The following RANBP2 variants were observed in gnomAD, a reference collection of about 807,000 sequenced individuals.
RANBP2 encodes RAN binding protein 2.
In RANBP2, 57 loss-of-function variants were observed where a neutral mutation model predicts 303.6. That is an observed-to-expected ratio of 0.19 (90% CI 0.15 to 0.23). The LOEUF (loss-of-function observed/expected upper bound fraction) is 0.23. RANBP2 is among the 10% of genes least tolerant of loss of function. RANBP2 has a pLI of 1.00. For missense variants in RANBP2, 3,138 were observed against 3,780.8 expected, an observed-to-expected ratio of 0.83 and a Z score of 4.46; for synonymous variants, 1,167 against 1,301.5, an observed-to-expected ratio of 0.90 and a Z score of 2.23.
chr2:109,360,627 C>T, the RANBP2 span, among the ~76,000 whole-genome samples: 2 of 152,146 alleles, frequency 1.3e-5, no homozygotes, highest in Middle Eastern at 3.2e-3. Context: ...AGATACTCAG[C>T]CTGTATATAG....
At chr2:109,739,512 C>A in the RANBP2 span, among the ~76,000 whole-genome samples, 43,717 of 151,936 alleles carry the variant, frequency 0.29, 9,618 homozygotes, top group African/African-American at 0.61. Context: ...TTTTTAATTT[C>A]TTTTTTCAAA....
chr2:109,279,039 AG>A, the RANBP2 span, among the ~76,000 whole-genome samples: 1 of 152,324 alleles, frequency 6.6e-6, no homozygotes, highest in South Asian at 2.1e-4. Context: ...TCTTTCTTCC[AG>A]GGTGATGGGG....
At chr2:108,877,156 G>C in the RANBP2 span, among the ~76,000 whole-genome samples, 3,033 of 152,180 alleles carry the variant, frequency 0.02, 99 homozygotes, top group African/African-American at 0.07. Context: ...GGTGAGAATG[G>C]TGGAACCATA....
chr2:108,996,614 C>A, the RANBP2 span, among the ~76,000 whole-genome samples: 3 of 152,166 alleles, frequency 2.0e-5, no homozygotes, highest in African/African-American at 4.8e-5. Flanking sequence ...TCCATTCCCC[C>A]CTGCCCATGA....
At chr2:109,580,355 A>C in the RANBP2 span, among the ~76,000 whole-genome samples, 3 of 151,810 alleles carry the variant, frequency 2.0e-5, no homozygotes, top group African/African-American at 7.2e-5. Flanking sequence ...AATGCAAAAA[A>C]AAAAAAAAAA....
the RANBP2 span, among the ~76,000 whole-genome samples, chr2:108,826,931 G>A: frequency 1.3e-4 from 20 of 152,118 alleles, no homozygotes; most frequent in East Asian, 3.5e-3. Flanking sequence ...ATATTTTCTC[G>A]TTTTCAGGGT....
intron 1 of RANBP2, among the ~76,000 whole-genome samples, chr2:108,723,532 C>T (rs1293372113): frequency 4.6e-5 from 7 of 152,156 alleles, no homozygotes; most frequent in Admixed American, 3.3e-4. Flanking sequence ...GCCTCAGCCT[C>T]CCAAAGTGCC....
the RANBP2 span, among the ~76,000 whole-genome samples, chr2:108,831,087 A>C: frequency 6.6e-6 from 1 of 152,034 alleles, no homozygotes; most frequent in African/African-American, 2.4e-5. Context: ...AGGCACCAGA[A>C]TCGCTTAAAC....
the RANBP2 span, among the ~76,000 whole-genome samples, chr2:109,685,488 G>A: frequency 6.6e-6 from 1 of 152,346 alleles, no homozygotes; most frequent in African/African-American, 2.4e-5. Context: ...AACCTAGCGT[G>A]TGTTTTGATC....
At chr2:109,247,238 A>G in the RANBP2 span, among the ~76,000 whole-genome samples, 42 of 152,320 alleles carry the variant, frequency 2.8e-4, no homozygotes, top group Middle Eastern at 0.014. Flanking sequence ...CCCACAGATT[A>G]TGTGCTGCAG....
the RANBP2 span, among the ~76,000 whole-genome samples, chr2:109,460,698 G>T: frequency 3.3e-5 from 5 of 152,156 alleles, no homozygotes; most frequent in Non-Finnish European, 5.9e-5. Flanking sequence ...TTTCACATGT[G>T]CTTTTCCAAT....
chr2:109,213,381 G>A, the RANBP2 span, among the ~76,000 whole-genome samples: 16 of 152,308 alleles, frequency 1.1e-4, no homozygotes, highest in African/African-American at 3.8e-4. Flanking sequence ...CAGGAGGGAC[G>A]GACCAGGGCT....
the RANBP2 span, among the ~76,000 whole-genome samples, chr2:109,057,451 A>T: frequency 6.6e-6 from 1 of 152,122 alleles, no homozygotes; most frequent in African/African-American, 2.4e-5. Flanking sequence ...GATTATTGTC[A>T]TCTAATAAAT....
chr2:109,152,754 G>T, the RANBP2 span, among the ~76,000 whole-genome samples: 1 of 152,198 alleles, frequency 6.6e-6, no homozygotes, highest in African/African-American at 2.4e-5. Flanking sequence ...AGAGGGGCGG[G>T]GGGGACCCAG....
chr2:108,735,765 A>G lies in RANBP2; in HGVS notation c.636+3A>G. ...CGTGTGTTGTACAGACCCTTAAGGT[A>G]GATAAAAGCTATTGGGTCTTTACAT... On this transcript the variant is annotated splice_donor_region_variant and intron_variant, in intron 5 of 28. Transcript: ENST00000283195. The G allele has an allele frequency of 6.3e-7, 1 of 1,597,608 alleles. No homozygotes were observed. The highest frequency in any genetic ancestry group is 8.5e-7 in the Non-Finnish European group (1 of 1,179,784).
the RANBP2 span, among the ~76,000 whole-genome samples, chr2:109,412,514 C>G: frequency 6.6e-6 from 1 of 152,236 alleles, no homozygotes; most frequent in Non-Finnish European, 1.5e-5. Context: ...TCCCACTCTT[C>G]CCGCTGCTGC....
chr2:109,515,868 C>T, the RANBP2 span, among the ~76,000 whole-genome samples: 4 of 152,162 alleles, frequency 2.6e-5, no homozygotes, highest in African/African-American at 4.8e-5. Context: ...CACTCATTAC[C>T]GCCAGGAACG....
At chr2:109,590,054 G>A in the RANBP2 span, among the ~76,000 whole-genome samples, 10 of 146,432 alleles carry the variant, frequency 6.8e-5, 1 homozygote, top group South Asian at 4.8e-4. Flanking sequence ...ATATATGTGT[G>A]TGTATATATA....
the RANBP2 span, among the ~76,000 whole-genome samples, chr2:108,982,055 G>A: frequency 2.0e-5 from 3 of 152,216 alleles, no homozygotes; most frequent in Admixed American, 2.0e-4. Context: ...ATGTTTAACG[G>A]CTCAGTAACA....
Sources: gnomAD v4.1 joint callset for allele counts (sites outside exome capture counted in the v4.1 genomes callset) on GRCh38, gnomAD v4.1.1 for gene constraint, MANE v1.5 for transcripts, NCBI Gene and HGNC (gene_info 2026-07-23, HGNC 2026-07-21) for gene names.